The following TTC28 variants were observed in gnomAD, a reference collection of about 807,000 sequenced individuals.
TTC28 encodes tetratricopeptide repeat protein 28.
Under a neutral mutation model 198.0 loss-of-function variants are expected in TTC28, and 61 were observed. That is an observed-to-expected ratio of 0.31 (90% CI 0.25 to 0.38). The LOEUF is 0.38. TTC28 is among the 10% of genes least tolerant of loss of function. The pLI is 1.00. For synonymous variants in TTC28, 1,171 were observed against 1,297.8 expected, an observed-to-expected ratio of 0.90 and a Z score of 2.10; for missense variants, 2,678 against 3,164.0, an observed-to-expected ratio of 0.85 and a Z score of 3.69.
intron 6 of TTC28, among the ~76,000 whole-genome samples, chr22:28,111,176 T>C (rs1376173366): frequency 6.6e-6 from 1 of 152,168 alleles, no homozygotes; most frequent in Non-Finnish European, 1.5e-5. Flanking sequence ...TAATTTTTTT[T>C]CTATGACGAA....
chr22:27,997,463 G>A (rs1053524809), intron 16 of TTC28: 1 of 152,218 alleles, frequency 6.6e-6, no homozygotes, highest in Admixed American at 6.5e-5. Context: ...AGCCACCCCT[G>A]CAGCTGTGTT....
At chr22:28,242,063 T>C (rs1929693200) in intron 5 of TTC28, among the ~76,000 whole-genome samples, 2 of 152,302 alleles carry the variant, frequency 1.3e-5, no homozygotes, top group South Asian at 4.1e-4. Flanking sequence ...GAAGCATTGG[T>C]AAGTAAAATG....
rs778523585 is a variant in TTC28 at position 28,306,476 on chromosome 22, A to C, written c.529+20T>G. 1.3e-6 allele frequency: 2 copies of C among 1,544,774 alleles called. No homozygotes were observed. Among genetic ancestry groups the C allele is most frequent in the South Asian group, 2.4e-5 (2 of 82,488 alleles). On this transcript the variant is annotated intron_variant, in intron 3 of 22. Transcript: ENST00000397906. Reference sequence around the variant, plus strand: ...TCTTCTTTAAATTAATGTTATACCAAGTACTTTTATCATATTTACCTCTCA... The same window carrying C: ...TCTTCTTTAAATTAATGTTATACCACGTACTTTTATCATATTTACCTCTCA...
At chr22:28,035,686 T>C (rs1939310442) in intron 12 of TTC28, among the ~76,000 whole-genome samples, 1 of 152,142 alleles carries the variant, frequency 6.6e-6, no homozygotes, top group Non-Finnish European at 1.5e-5. Flanking sequence ...AATGAAGACA[T>C]GAGACTTTGG....
At chr22:28,544,363 T>C (rs541504175) in intron 2 of TTC28, among the ~76,000 whole-genome samples, 1 of 152,296 alleles carries the variant, frequency 6.6e-6, no homozygotes, top group African/African-American at 2.4e-5. Context: ...TAAACAGATA[T>C]AAAAGAAAGC....
chr22:27,992,503 G>C (rs1424722048), intron 19 of TTC28, 84 bp downstream of exon 19: 1 of 1,384,036 alleles, frequency 7.2e-7, no homozygotes, highest in Non-Finnish European at 9.9e-7. Flanking sequence ...TCACTTACAG[G>C]TTCCTATTTA....
intron 2 of TTC28, among the ~76,000 whole-genome samples, chr22:28,310,189 A>G (rs1430488716): frequency 4.0e-5 from 6 of 150,406 alleles, no homozygotes; most frequent in Non-Finnish European, 8.9e-5. Flanking sequence ...ACAAGACAAG[A>G]GCACCCTCAA....
intron 2 of TTC28, among the ~76,000 whole-genome samples, chr22:28,509,633 A>G (rs770492509): frequency 7.2e-5 from 11 of 152,220 alleles, no homozygotes; most frequent in Non-Finnish European, 1.5e-4. Context: ...CTAGAGAACC[A>G]AGAGCAAACA....
At chr22:28,330,486 T>A (rs2045597910) in intron 2 of TTC28, among the ~76,000 whole-genome samples, 1 of 152,216 alleles carries the variant, frequency 6.6e-6, no homozygotes, top group Non-Finnish European at 1.5e-5. Flanking sequence ...GCATCAATGA[T>A]GTGACTCCAT....
At chr22:28,518,135 G>A (rs2048828146) in intron 2 of TTC28, among the ~76,000 whole-genome samples, 1 of 151,922 alleles carries the variant, frequency 6.6e-6, no homozygotes, top group Non-Finnish European at 1.5e-5. Context: ...ATCATGCTCA[G>A]CAATTCTTAG....
At chr22:28,236,058 C>A (rs1929220843) in intron 5 of TTC28, among the ~76,000 whole-genome samples, 1 of 152,166 alleles carries the variant, frequency 6.6e-6, no homozygotes, top group Non-Finnish European at 1.5e-5. Context: ...TGACCAACAG[C>A]AGTCCCAGGT....
intron 2 of TTC28, among the ~76,000 whole-genome samples, chr22:28,593,436 G>A (rs970841380): frequency 1.7e-4 from 26 of 152,010 alleles, no homozygotes; most frequent in African/African-American, 6.0e-4. Context: ...CAGATAGACA[G>A]ACAGGTAGGT....
At chr22:28,442,368 G>A (rs2047637511) in intron 2 of TTC28, among the ~76,000 whole-genome samples, 2 of 152,234 alleles carry the variant, frequency 1.3e-5, no homozygotes, top group African/African-American at 4.8e-5. Flanking sequence ...CTCTCGGCCC[G>A]CCGCCCCGGA....
chr22:28,015,889 C>T (rs1019991760), intron 13 of TTC28, among the ~76,000 whole-genome samples: 8 of 151,464 alleles, frequency 5.3e-5, no homozygotes, highest in Non-Finnish European at 1.0e-4. Context: ...AGATTGTTGC[C>T]GAAGAAAAGC....
intron 9 of TTC28, 42 bp from the exon 10 acceptor site, chr22:28,099,086 C>CCCAGA: frequency 1.3e-6 from 2 of 1,550,312 alleles, no homozygotes; most frequent in Non-Finnish European, 1.7e-6. Flanking sequence ...CCCCAGAAAC[C>CCCAGA]AATGTCCAGC....
chr22:28,589,038 T>C (rs118125260), intron 2 of TTC28, among the ~76,000 whole-genome samples: 2 of 152,198 alleles, frequency 1.3e-5, no homozygotes, highest in Admixed American at 6.6e-5. Context: ...TAAGCCTTCT[T>C]AGCCCTCATT....
intron 2 of TTC28, among the ~76,000 whole-genome samples, chr22:28,377,971 C>T (rs2046436652): frequency 6.6e-6 from 1 of 151,970 alleles, no homozygotes; most frequent in Admixed American, 6.6e-5. Flanking sequence ...GAAAAAAACA[C>T]GAGCATGCTA....
chr22:28,422,366 A>C (rs951957409), intron 2 of TTC28, among the ~76,000 whole-genome samples: 5 of 152,114 alleles, frequency 3.3e-5, no homozygotes, highest in Admixed American at 6.6e-5. Context: ...TCATCTTGTC[A>C]CTTGTGATTT....
At chr22:28,154,187 A>G (rs1943688008) in intron 6 of TTC28, among the ~76,000 whole-genome samples, 1 of 152,102 alleles carries the variant, frequency 6.6e-6, no homozygotes, top group Admixed American at 6.5e-5. Flanking sequence ...CTAGTAACCT[A>G]CTCTGCAGCA....
Sources: allele counts gnomAD v4.1 joint callset (sites outside exome capture counted in the v4.1 genomes callset), GRCh38; gene constraint gnomAD v4.1.1; transcripts MANE v1.5; gene names NCBI Gene and HGNC (gene_info 2026-07-23, HGNC 2026-07-21).